Variants in COL4A3 observed in about 807,000 individuals in gnomAD.
COL4A3 encodes collagen type IV alpha 3 chain, also known as collagen alpha-3(IV) chain.
A neutral mutation model predicts 217.4 loss-of-function variants in COL4A3; 135 were observed. That is an observed-to-expected ratio of 0.62 (90% CI 0.54 to 0.72). The LOEUF (loss-of-function observed/expected upper bound fraction) is 0.72, where lower values mean the gene tolerates loss of function less well. Among genes scored for constraint, COL4A3 ranks in the 30% least tolerant of loss-of-function variants. The pLI, the probability that COL4A3 is intolerant of heterozygous loss-of-function variation, is 0.00. For synonymous variants in COL4A3, 690 were observed against 736.3 expected (o/e 0.94, Z 1.02); for missense variants, 1,868 against 2,119.9 (o/e 0.88, Z 2.33).
rs773815253 is a variant in COL4A3 at position 227,310,799 on chromosome 2, C to T, written c.4779C>T (p.Gly1593=). The T allele has an allele frequency of 1.5e-5, 24 of 1,613,962 alleles. No homozygotes were observed. Among genetic ancestry groups the T allele is most frequent in the Non-Finnish European group, 1.9e-5 (22 of 1,179,970 alleles). Reference sequence around the variant, plus strand: ...AGTTCACAAGTGCAGGTTCTGAGGGCACCGGGCAAGCACTGGCCTCCCCTG... The same window carrying T: ...AGTTCACAAGTGCAGGTTCTGAGGGTACCGGGCAAGCACTGGCCTCCCCTG... ...FIMFTSAGSE[G]TGQALASPGS... The change falls in exon 51 of 52, where the codon GGC becomes GGT. Residue 1593 remains glycine, a synonymous_variant. Coordinates refer to ENST00000396578, the MANE Select transcript of COL4A3 (RefSeq NM_000091.5).
At chr2:227,257,177 A>G (rs556103291) in intron 17 of COL4A3, among the ~76,000 whole-genome samples, 1 of 152,350 alleles carries the variant, frequency 6.6e-6, no homozygotes, top group African/African-American at 2.4e-5. Flanking sequence ...GTCAAGATTT[A>G]CCCTTTAATA....
At chr2:227,219,096 G>C (rs977550023) in intron 1 of COL4A3, among the ~76,000 whole-genome samples, 11 of 151,980 alleles carry the variant, frequency 7.2e-5, no homozygotes, top group Admixed American at 7.2e-4. Context: ...CAAGGTTCAA[G>C]CGATTCTCCT....
chr2:227,280,833 C>G, intron 30 of COL4A3, 60 bp from the exon 31 acceptor site: 3 of 1,229,508 alleles, frequency 2.4e-6, no homozygotes, highest in South Asian at 1.3e-5. Context: ...ATGACTGGTA[C>G]AGCAATACCA....
At chr2:227,298,284 A>G (rs1342032561) in intron 42 of COL4A3, among the ~76,000 whole-genome samples, 8 of 152,192 alleles carry the variant, frequency 5.3e-5, no homozygotes. Flanking sequence ...CCTGGGAGGC[A>G]GAGGCTGCAG....
intron 1 of COL4A3, among the ~76,000 whole-genome samples, chr2:227,186,652 G>A (rs1170449127): frequency 6.6e-6 from 1 of 152,186 alleles, no homozygotes; most frequent in Admixed American, 6.5e-5. Context: ...GATGTTAATA[G>A]GATTGGGATG....
chr2:227,260,774 T>C (rs79385849), intron 19 of COL4A3, among the ~76,000 whole-genome samples: 55 of 152,280 alleles, frequency 3.6e-4, no homozygotes, highest in African/African-American at 1.3e-3. Context: ...GTTCCAGCAC[T>C]GTTTGATTTT....
At chr2:227,238,175 C>CAA in intron 2 of COL4A3, 151 bp downstream of exon 2, 4 of 410,908 alleles carry the variant, frequency 9.7e-6, no homozygotes, top group Non-Finnish European at 1.7e-5. Context: ...AAACATTAAC[C>CAA]TAAAAAAAAA....
intron 1 of COL4A3, among the ~76,000 whole-genome samples, chr2:227,229,579 G>A (rs1321234236): frequency 1.3e-5 from 2 of 152,192 alleles, no homozygotes; most frequent in Non-Finnish European, 2.9e-5. Flanking sequence ...AACAATAGTT[G>A]TGGATGTCCT....
Position 227,313,034 on chromosome 2 carries a change from C to T in COL4A3, c.*1164C>T, listed in dbSNP as rs943667611. 2.0e-5 allele frequency: 3 copies of T among 152,416 alleles called. No individual in the cohort carries two copies. The highest frequency in any genetic ancestry group is 6.6e-5 in the Admixed American group (1 of 15,244). 9.4% of individuals were successfully genotyped at this position (152,416 alleles called of 1,614,324 possible). A position where few individuals can be genotyped will look rare whatever the true frequency, so the allele number is the denominator to read the frequency against. ...AATGTATCAAACTGTATAACTTGGCCGCTGTATGTCTTAAAACCTGCTTTT... is the reference window on the plus strand; with the variant it reads ...AATGTATCAAACTGTATAACTTGGCTGCTGTATGTCTTAAAACCTGCTTTT... On this transcript the variant is annotated 3_prime_UTR_variant, in exon 52 of 52. Coordinates refer to ENST00000396578, the MANE Select transcript of COL4A3 (RefSeq NM_000091.5).
Position 227,289,237 on chromosome 2 carries a change from C to G in COL4A3, c.2969C>G (p.Ala990Gly). 1.2e-6 allele frequency: 2 copies of G among 1,612,762 alleles called. No individual in the cohort carries two copies. The highest frequency in any genetic ancestry group is 1.7e-4 in the Middle Eastern group (1 of 6,058). ...LKGLKGLPGP[A>G]GPPGPRGDLG... ...GGCCTCAAAGGACTACCCGGACCAG[C>G]AGGACCACCAGGTACAGCTGATTCT... The change falls in exon 35 of 52, where the codon GCA becomes GGA. Residue 990 changes from alanine to glycine, a missense_variant. Coordinates refer to ENST00000396578, the MANE Select transcript of COL4A3 (RefSeq NM_000091.5).
chr2:227,286,725 GGACTTAAATGTTGA>G (rs2072350500), intron 34 of COL4A3, among the ~76,000 whole-genome samples: 1 of 152,124 alleles, frequency 6.6e-6, no homozygotes, highest in South Asian at 2.1e-4. Context: ...CCATAAAAGA[GGACTTAAATGTTGA>G]ATAAGATTCA....
rs1207151551 is a variant in COL4A3 at position 227,307,827 on chromosome 2, T to C, written c.4370T>C (p.Ile1457Thr). 8.1e-6 allele frequency: 13 copies of C among 1,614,156 alleles called. No individual in the cohort carries two copies. The highest frequency in any genetic ancestry group is 1.1e-5 in the Non-Finnish European group (13 of 1,180,016). Residue 1457 changes from isoleucine (I) to threonine (T), a missense_variant, in exon 48 of 52, where the codon ATT (isoleucine) becomes ACT (threonine). Coordinates refer to ENST00000396578, the MANE Select transcript of COL4A3 (RefSeq NM_000091.5). ...VFTRHSQTTA[I>T]PSCPEGTVPL... ...ACCCGACACAGTCAAACCACAGCAA[T>C]TCCTTCATGTCCAGAGGGGACAGTG...
chr2:227,308,294 C>T (rs2073597544), intron 48 of COL4A3, among the ~76,000 whole-genome samples: 1 of 152,182 alleles, frequency 6.6e-6, no homozygotes, highest in African/African-American at 2.4e-5. Context: ...CTCACTGCAG[C>T]CTCCACATCC....
chr2:227,233,225 C>T lies in COL4A3; in HGVS notation c.88-4743C>T, dbSNP rs372858603. On this transcript the variant is annotated intron_variant, in intron 1 of 51. Coordinates refer to ENST00000396578, the MANE Select transcript of COL4A3 (RefSeq NM_000091.5). ...GACAGGGTTCACGTTGTTGGCCAGG[C>T]TGGTCTCAAACTCCTGACCTCCAGT... 3.9e-4 allele frequency among the ~76,000 whole-genome samples: 60 copies of T among 152,128 alleles called. No homozygotes were observed. The South Asian group carries it at 7.5e-3, about 19-fold the overall frequency.
chr2:227,192,699 G>T (rs2066292260), intron 1 of COL4A3, among the ~76,000 whole-genome samples: 1 of 152,188 alleles, frequency 6.6e-6, no homozygotes, highest in Admixed American at 6.5e-5. Flanking sequence ...AAGGTTAGGG[G>T]TGTCCTGGAG....
chr2:227,257,719 G>C, intron 18 of COL4A3, 75 bp downstream of exon 18: 1 of 1,289,442 alleles, frequency 7.8e-7, no homozygotes, highest in Non-Finnish European at 1.1e-6. Flanking sequence ...TTTTGAATCA[G>C]TGTCTCTCAT....
At chr2:227,168,457 T>C (rs2065354929) in intron 1 of COL4A3, among the ~76,000 whole-genome samples, 1 of 152,016 alleles carries the variant, frequency 6.6e-6, no homozygotes, top group African/African-American at 2.4e-5. Context: ...ATAGTGCAAC[T>C]TTCTGTCTGT....
rs975313876 is a variant in COL4A3, at chr2:227,297,770, A to T, written c.3662A>T (p.Glu1221Val). 1.3e-6 allele frequency: 2 copies of T among 1,593,856 alleles called. No homozygotes were observed. The highest frequency in any genetic ancestry group is 1.8e-5 in the Admixed American group (1 of 56,604). The change falls in exon 42 of 52, where the codon GAA becomes GTA. Residue 1221 changes from glutamate (E) to valine (V), a missense_variant. Around this residue, in one of 2 missense-constraint regions of COL4A3, gnomAD observed 1,503 missense variants for 1,786.1 expected, o/e 0.84. Coordinates refer to ENST00000396578, the MANE Select transcript of COL4A3 (RefSeq NM_000091.5). ...DAGPRGPTGI[E>V]GFPGPPGLPG... is the part of the protein sequence containing the mutation. ...GGACCTCGAGGACCCACAGGCATAG[A>T]AGGATTCCCAGGGCCACCAGGTCTG...
At chr2:227,267,995 G>A (rs1043903521) in intron 23 of COL4A3, among the ~76,000 whole-genome samples, 10 of 152,112 alleles carry the variant, frequency 6.6e-5, no homozygotes, top group Admixed American at 1.3e-4. Context: ...AGTACAAAAC[G>A]TCTCTGTTTA....
Sources: gnomAD v4.1 joint callset for allele counts (sites outside exome capture counted in the v4.1 genomes callset) on GRCh38, gnomAD v4.1.1 for gene constraint, gnomAD v4.1.1 regional missense constraint, MANE v1.5 for transcripts, NCBI Gene and HGNC (gene_info 2026-07-23, HGNC 2026-07-21) for gene names.